HIBCH: variants seen among roughly 807,000 people sequenced by gnomAD.
HIBCH encodes the protein 3-hydroxyisobutyryl-CoA hydrolase, mitochondrial.
In HIBCH, 50 loss-of-function variants were observed where a neutral mutation model predicts 58.2. That is an observed-to-expected ratio of 0.86 (90% confidence interval 0.68 to 1.09). The LOEUF (loss-of-function observed/expected upper bound fraction) is 1.09, where lower values mean the gene tolerates loss of function less well. HIBCH is among the 50% of genes least tolerant of loss of function. HIBCH has a pLI of 0.00. For synonymous variants in HIBCH, 151 were observed against 146.9 expected, an observed-to-expected ratio of 1.03 and a Z score of -0.20; for missense variants, 450 against 449.7, an observed-to-expected ratio of 1.00 and a Z score of -0.01.
At chr2:190,233,610 C>G (rs1028851143) in intron 11 of HIBCH, among the ~76,000 whole-genome samples, 2 of 152,120 alleles carry the variant, frequency 1.3e-5, no homozygotes, top group African/African-American at 4.8e-5. Flanking sequence ...ACATCTTTAT[C>G]AGCAGTGTGA....
In HIBCH at chr2:190,213,433, C is replaced by T. The variant is rs150674230; in HGVS notation, c.892-358G>A. 4.0e-3 allele frequency: 1,028 copies of T among 259,226 alleles called. 8 individuals carry two copies. Among genetic ancestry groups the T allele is most frequent in the African/African-American group, 0.022 (960 of 43,994 alleles). The allele number at this position is 259,226 out of a possible 1,614,324, so 16.1% of individuals were successfully genotyped here. The stretch of plus-strand genomic sequence containing the variant: ...CATGGAGTATAGAAAATAACGCATA[C>T]AGTGGTCCATTTCCGGGACAAAGTG... On this transcript the variant is annotated intron_variant, in intron 11 of 13. Coordinates refer to ENST00000359678, the MANE Select transcript of HIBCH (RefSeq NM_014362.4).
intron 1 of HIBCH, among the ~76,000 whole-genome samples, chr2:190,314,631 A>C (rs1485682014): frequency 6.6e-6 from 1 of 151,698 alleles, no homozygotes; most frequent in Non-Finnish European, 1.5e-5. Flanking sequence ...GGCATGCGTC[A>C]CCACACCCGG....
chr2:190,319,215 C>T (rs541936145), intron 1 of HIBCH, among the ~76,000 whole-genome samples: 1 of 152,280 alleles, frequency 6.6e-6, no homozygotes, highest in African/African-American at 2.4e-5. Context: ...CTCCCCCATG[C>T]CACGTTAAAT....
At chr2:190,297,550 T>C (rs949087921) in intron 2 of HIBCH, among the ~76,000 whole-genome samples, 11 of 152,222 alleles carry the variant, frequency 7.2e-5, no homozygotes, top group Non-Finnish European at 1.3e-4. Context: ...TGCAGCCAGA[T>C]TATAATATGA....
chr2:190,251,534 A>C, intron 8 of HIBCH: 1 of 449,590 alleles, frequency 2.2e-6, no homozygotes, highest in Non-Finnish European at 4.6e-6. Context: ...AGTTTCAACT[A>C]CTATGTAATA....
intron 1 of HIBCH, among the ~76,000 whole-genome samples, chr2:190,195,780 C>CT (rs1356819348): frequency 2.6e-5 from 4 of 152,134 alleles, no homozygotes; most frequent in Non-Finnish European, 4.4e-5. Context: ...TCAATTATTT[C>CT]TTTAACACAT....
chr2:190,290,319 C>A (rs1011795208), intron 5 of HIBCH, 86 bp downstream of exon 5: 2 of 885,574 alleles, frequency 2.3e-6, no homozygotes, highest in Non-Finnish European at 1.9e-6. Flanking sequence ...AGTAAGGATG[C>A]CTATTGATTG....
At position 190,227,603 on chromosome 2, in the gene HIBCH, C is replaced by T. The variant is rs138333900; in HGVS notation, c.892-14528G>A. ...ATTAAACAGCAAAAGAAACTACCAT[C>T]GGAGTGAACAGGCAACCTACAGAAT... On this transcript the variant is annotated intron_variant, in intron 11 of 13. Transcript: ENST00000359678. Among the ~76,000 whole-genome samples, 1,018 of 152,274 alleles carry T rather than the reference C, an allele frequency of 6.7e-3. 12 individuals are homozygous for T. Among genetic ancestry groups the T allele is most frequent in the African/African-American group, 0.022 (923 of 41,556 alleles).
At chr2:190,312,326 A>G (rs1409665407) in intron 1 of HIBCH, among the ~76,000 whole-genome samples, 1 of 152,258 alleles carries the variant, frequency 6.6e-6, no homozygotes, top group Non-Finnish European at 1.5e-5. Flanking sequence ...TAAAAACACT[A>G]TAGTTAGAAT....
At chr2:190,234,510 C>T (rs1686204714) in intron 11 of HIBCH, among the ~76,000 whole-genome samples, 1 of 152,166 alleles carries the variant, frequency 6.6e-6, no homozygotes, top group African/African-American at 2.4e-5. Flanking sequence ...CTGGATGAAT[C>T]TCACAAATAT....
At chr2:190,241,128 A>G (rs1183939627) in intron 11 of HIBCH, among the ~76,000 whole-genome samples, 1 of 152,194 alleles carries the variant, frequency 6.6e-6, no homozygotes, top group Non-Finnish European at 1.5e-5. Flanking sequence ...AAGGTCTCTA[A>G]AAACTTGCTT....
rs547646838 is a variant in HIBCH at position 190,313,210 on chromosome 2, T to C, written c.36-2414A>G. ...TAACTATTGGACATGCTCACGGGCA[T>C]GTTCGAGCTCACAGCCTATTCCCCT... On this transcript the variant is annotated intron_variant, in intron 1 of 13. Coordinates refer to ENST00000359678, the MANE Select transcript of HIBCH (RefSeq NM_014362.4). 8.1e-5 allele frequency among the ~76,000 whole-genome samples: 12 copies of C among 148,464 alleles called. No individual in the cohort carries two copies. In the South Asian group the frequency reaches 1.1e-3, roughly 14 times the overall value.
At chr2:190,240,470 GTTTTT>G in intron 11 of HIBCH, among the ~76,000 whole-genome samples, 1 of 151,808 alleles carries the variant, frequency 6.6e-6, no homozygotes, top group Non-Finnish European at 1.5e-5. Context: ...TTTTTGAAGT[GTTTTT>G]TTTCTGTCTT....
chr2:190,272,178 C>T (rs1415448204), intron 6 of HIBCH, among the ~76,000 whole-genome samples: 3 of 152,212 alleles, frequency 2.0e-5, no homozygotes, highest in Non-Finnish European at 2.9e-5. Context: ...TTCCAGACTA[C>T]CCCATATTTG....
In HIBCH at chr2:190,314,083, G is replaced by A. The variant is rs946717596; in HGVS notation, c.36-3287C>T. ...GTGTTGCCAGATTTGCAACTATTAT[G>A]TAACAGTGTAAGTACTAACTGCAGT... On this transcript the variant is annotated intron_variant, in intron 1 of 13. Coordinates refer to ENST00000359678, the MANE Select transcript of HIBCH (RefSeq NM_014362.4). Among the ~76,000 whole-genome samples the A allele has an allele frequency of 2.0e-5, 3 of 151,884 alleles. 1 individual carries two copies. In the South Asian group the frequency reaches 6.2e-4, roughly 31 times the overall value.
At chr2:190,256,275 G>C (rs546451909) in intron 7 of HIBCH, among the ~76,000 whole-genome samples, 30 of 152,028 alleles carry the variant, frequency 2.0e-4, no homozygotes, top group African/African-American at 5.5e-4. Context: ...AATGATTATA[G>C]AGAACAGTAC....
At chr2:190,194,477 T>TACATAC (rs1553490435) in intron 1 of HIBCH, among the ~76,000 whole-genome samples, 1 of 141,370 alleles carries the variant, frequency 7.1e-6, no homozygotes, top group Non-Finnish European at 1.5e-5. Context: ...ATCCTGTGTA[T>TACATAC]ACACACACAC....
At chr2:190,288,318 A>G (rs1335190353) in intron 5 of HIBCH, among the ~76,000 whole-genome samples, 3 of 151,868 alleles carry the variant, frequency 2.0e-5, no homozygotes. Flanking sequence ...AAACAATTCT[A>G]AAATTCATAT....
intron 6 of HIBCH, among the ~76,000 whole-genome samples, chr2:190,264,791 GATATAT>G (rs1471395095): frequency 6.6e-6 from 1 of 152,054 alleles, no homozygotes; most frequent in African/African-American, 2.4e-5. Context: ...ATTTTGGTCA[GATATAT>G]ACCAGGGAGT....
Sources: gnomAD v4.1 joint callset for allele counts (sites outside exome capture counted in the v4.1 genomes callset) on GRCh38, gnomAD v4.1.1 for gene constraint, MANE v1.5 for transcripts, NCBI Gene and HGNC (gene_info 2026-07-23, HGNC 2026-07-21) for gene names.